Variants in SRGAP3 observed in about 807,000 individuals in gnomAD.
SRGAP3 encodes the protein SLIT-ROBO Rho GTPase activating protein 3.
A neutral mutation model predicts 121.1 loss-of-function variants in SRGAP3; 39 were observed. The ratio of observed to expected loss-of-function variants is 0.32; its 90% CI spans 0.25 to 0.42. The LOEUF (loss-of-function observed/expected upper bound fraction) is 0.42. Ranked by LOEUF, SRGAP3 falls within the 10% of genes least tolerant of loss-of-function variation. The pLI is 1.00. For missense variants in SRGAP3, 1,213 were observed against 1,470.6 expected (o/e 0.82, Z 2.86); for synonymous variants, 601 against 570.0 (o/e 1.05, Z -0.77).
intron 18 of SRGAP3, among the ~76,000 whole-genome samples, chr3:8,995,390 C>T (rs1942335379): frequency 6.6e-6 from 1 of 152,134 alleles, no homozygotes; most frequent in Non-Finnish European, 1.5e-5. Context: ...GCAGGAAGAT[C>T]ACTTGAGCCT....
intron 14 of SRGAP3, among the ~76,000 whole-genome samples, chr3:9,018,677 G>T (rs1943761273): frequency 6.6e-6 from 1 of 152,182 alleles, no homozygotes; most frequent in African/African-American, 2.4e-5. Context: ...ATGTTCAAAA[G>T]TTACTCTCTG....
chr3:9,348,762 G>T, intron 1 of SRGAP3: 1 of 1,360,924 alleles, frequency 7.3e-7, no homozygotes, highest in Admixed American at 1.7e-5. Flanking sequence ...GCAAAGCATG[G>T]TGAGGCCCAG....
intron 3 of SRGAP3, among the ~76,000 whole-genome samples, chr3:9,082,621 A>G (rs1947295068): frequency 6.6e-6 from 1 of 152,206 alleles, no homozygotes; most frequent in Non-Finnish European, 1.5e-5. Flanking sequence ...GAGTTTCTGT[A>G]TCGAAAATGG....
At chr3:9,130,082 C>T (rs866511056) in intron 1 of SRGAP3, among the ~76,000 whole-genome samples, 7 of 152,016 alleles carry the variant, frequency 4.6e-5, no homozygotes, top group Non-Finnish European at 1.0e-4. Context: ...CTTTAGCAAG[C>T]GCTTTTTACC....
At chr3:9,119,629 G>C (rs1948930947) in intron 2 of SRGAP3, among the ~76,000 whole-genome samples, 1 of 152,248 alleles carries the variant, frequency 6.6e-6, no homozygotes, top group Non-Finnish European at 1.5e-5. Flanking sequence ...AGCTAGGGCT[G>C]AGACAGCTTT....
chr3:9,282,445 T>C (rs919643456), intron 3 of SRGAP3, among the ~76,000 whole-genome samples: 1 of 152,214 alleles, frequency 6.6e-6, no homozygotes, highest in Non-Finnish European at 1.5e-5. Context: ...TTTATTCTCA[T>C]TTCTGCTTCT....
In SRGAP3 at chr3:8,982,523, T is replaced by A. The variant is rs947455489; in HGVS notation, c.*2996A>T. On this transcript the variant is annotated 3_prime_UTR_variant, in exon 22 of 22. Coordinates refer to ENST00000383836, the MANE Select transcript of SRGAP3 (RefSeq NM_014850.4). ...GGCTAAAATTTAATTGTAGCCTTTT[T>A]AAAAATTACAATTTCACATTTTAAC... 1.8e-5 allele frequency: 4 copies of A among 223,102 alleles called. No individual in the cohort carries two copies. The highest frequency in any genetic ancestry group is 8.9e-5 in the African/African-American group (4 of 44,784). 13.8% of individuals were successfully genotyped at this position (223,102 alleles called of 1,614,324 possible). A position where few individuals can be genotyped will look rare whatever the true frequency, so the allele number is the denominator to read the frequency against.
chr3:9,110,172 G>A (rs1948564891), intron 2 of SRGAP3, among the ~76,000 whole-genome samples: 1 of 152,216 alleles, frequency 6.6e-6, no homozygotes, highest in Non-Finnish European at 1.5e-5. Flanking sequence ...TTGACGGGAT[G>A]GAGTTAGGGC....
intron 1 of SRGAP3, among the ~76,000 whole-genome samples, chr3:9,187,049 C>T (rs929318398): frequency 2.0e-5 from 3 of 152,156 alleles, no homozygotes; most frequent in Admixed American, 1.3e-4. Flanking sequence ...TGCCATGATG[C>T]GTTGCTGCAC....
chr3:9,170,463 T>C (rs776563002), intron 1 of SRGAP3, among the ~76,000 whole-genome samples: 12 of 152,232 alleles, frequency 7.9e-5, no homozygotes, highest in South Asian at 6.2e-4. Flanking sequence ...AGCAAAAGAA[T>C]GTGACTCACA....
intron 14 of SRGAP3, among the ~76,000 whole-genome samples, chr3:9,019,330 T>A (rs932936683): frequency 2.6e-5 from 4 of 151,998 alleles, no homozygotes; most frequent in Non-Finnish European, 5.9e-5. Flanking sequence ...AGCAACACCA[T>A]CTCAAGAATG....
chr3:9,240,831 G>A (rs1157241672), intron 1 of SRGAP3, among the ~76,000 whole-genome samples: 2 of 152,238 alleles, frequency 1.3e-5, no homozygotes, highest in Non-Finnish European at 2.9e-5. Context: ...AGCCGTGCGG[G>A]CAGTTTTGCA....
At chr3:9,203,565 G>A (rs1272103131) in intron 1 of SRGAP3, among the ~76,000 whole-genome samples, 1 of 152,098 alleles carries the variant, frequency 6.6e-6, no homozygotes, top group Non-Finnish European at 1.5e-5. Context: ...ACTCTTCTGT[G>A]CTCCTGCACC....
At chr3:9,211,967 C>T (rs1285572121) in intron 1 of SRGAP3, among the ~76,000 whole-genome samples, 1 of 152,180 alleles carries the variant, frequency 6.6e-6, no homozygotes, top group Non-Finnish European at 1.5e-5. Context: ...TGAGCCACCA[C>T]TCCCGGCCTC....
chr3:9,213,809 T>G (rs1011551184), intron 1 of SRGAP3, among the ~76,000 whole-genome samples: 1 of 152,222 alleles, frequency 6.6e-6, no homozygotes, highest in African/African-American at 2.4e-5. Context: ...ATGCACATAC[T>G]TTCTTGTAGT....
intron 3 of SRGAP3, among the ~76,000 whole-genome samples, chr3:9,279,310 C>A (rs539404935): frequency 1.1e-4 from 17 of 152,128 alleles, no homozygotes; most frequent in Admixed American, 2.0e-4. Flanking sequence ...CCCCAAAACA[C>A]AAAGTGCTAT....
chr3:9,105,701 CTA>C (rs961969119), intron 2 of SRGAP3, among the ~76,000 whole-genome samples: 7 of 152,156 alleles, frequency 4.6e-5, no homozygotes, highest in Non-Finnish European at 1.0e-4. Flanking sequence ...GATCCTTATA[CTA>C]TTGTTTCCCA....
chr3:9,045,738 G>T (rs1378255072), intron 10 of SRGAP3, among the ~76,000 whole-genome samples: 3 of 152,262 alleles, frequency 2.0e-5, no homozygotes, highest in South Asian at 4.1e-4. Context: ...CCAGGCCCAG[G>T]ATCGTATTTT....
At chr3:9,344,947 G>A (rs1460592264) in intron 1 of SRGAP3, among the ~76,000 whole-genome samples, 1 of 151,996 alleles carries the variant, frequency 6.6e-6, no homozygotes, top group African/African-American at 2.4e-5. Flanking sequence ...TGAGGCAGGA[G>A]AATCACTTGA....
Sources: gnomAD v4.1 joint callset for allele counts (sites outside exome capture counted in the v4.1 genomes callset) on GRCh38, gnomAD v4.1.1 for gene constraint, MANE v1.5 for transcripts, NCBI Gene and HGNC (gene_info 2026-07-23, HGNC 2026-07-21) for gene names.